Variants in KL observed in about 807,000 individuals in gnomAD.
KL encodes the protein alpha-klotho.
Under a neutral mutation model 84.2 loss-of-function variants are expected in KL, and 62 were observed. The observed-to-expected ratio is 0.74, with a 90% confidence interval of 0.60 to 0.91. The LOEUF is 0.91. Among genes scored for constraint, KL ranks in the 40% least tolerant of loss-of-function variants. KL has a pLI of 0.00. For synonymous variants in KL, 528 were observed against 528.0 expected (o/e 1.00, Z 0.00); for missense variants, 1,261 against 1,305.7 (o/e 0.97, Z 0.53).
chr13:33,065,080 G>A lies in KL; in HGVS notation c.*894G>A, dbSNP rs567047738. ...TAATCTGATTATACACCATTTTTGA[G>A]CAGATCTTGGAATGAATGACATGAC... On this transcript the variant is annotated 3_prime_UTR_variant, in exon 5 of 5. Coordinates refer to ENST00000380099, the MANE Select transcript of KL (RefSeq NM_004795.4). The A allele has an allele frequency of 4.4e-6, 1 of 227,302 alleles. No individual in the cohort carries two copies. Among genetic ancestry groups the A allele is most frequent in the Non-Finnish European group, 8.7e-6 (1 of 114,292 alleles). 14.1% of individuals were successfully genotyped at this position (227,302 alleles called of 1,614,324 possible).
rs1355970125 is a variant in KL at position 33,061,680 on chromosome 13, C to G, written c.2601C>G (p.Pro867=). The part of the protein sequence containing the change: ...NWLKFKYGDL[P]MYIISNGIDD... ...TGAAGTTCAAGTACGGAGACCTCCCCATGTACATAATATCCAATGGAATCG... is the reference window on the plus strand; with the variant it reads ...TGAAGTTCAAGTACGGAGACCTCCCGATGTACATAATATCCAATGGAATCG... Residue 867 remains proline, a synonymous_variant, in exon 4 of 5, where the codon CCC becomes CCG. Coordinates refer to ENST00000380099, the MANE Select transcript of KL (RefSeq NM_004795.4). 1.2e-6 allele frequency: 2 copies of G among 1,614,002 alleles called. No homozygotes were observed. The highest frequency in any genetic ancestry group is 2.7e-5 in the African/African-American group (2 of 74,910).
intron 1 of KL, among the ~76,000 whole-genome samples, chr13:33,030,213 C>T (rs571671): frequency 0.31 from 47,473 of 151,900 alleles, 8,703 homozygotes; most frequent in Admixed American, 0.43. Context: ...TTAAAGGTCT[C>T]GCTTAATACT....
At chr13:33,033,957 A>C (rs926983059) in intron 1 of KL, among the ~76,000 whole-genome samples, 1 of 152,160 alleles carries the variant, frequency 6.6e-6, no homozygotes, top group Non-Finnish European at 1.5e-5. Flanking sequence ...AAAGATGAAC[A>C]CACACCCTCA....
chr13:33,045,335 T>G (rs988626781), intron 1 of KL, among the ~76,000 whole-genome samples: 5 of 152,250 alleles, frequency 3.3e-5, no homozygotes, highest in South Asian at 2.1e-4. Context: ...GATAGTTTTT[T>G]CCTTCCTAAT....
intron 3 of KL, among the ~76,000 whole-genome samples, chr13:33,057,341 G>A (rs1037881755): frequency 6.6e-6 from 1 of 152,170 alleles, no homozygotes; most frequent in Admixed American, 6.5e-5. Context: ...GGGGCTGTGC[G>A]CTGGCTTTGG....
In KL at chr13:33,021,653, C is replaced by T. The variant is rs147353476; in HGVS notation, c.819+4394C>T. 3.5e-3 allele frequency among the ~76,000 whole-genome samples: 527 copies of T among 152,214 alleles called. 5 individuals are homozygous for T. The highest frequency in any genetic ancestry group is 0.012 in the African/African-American group (479 of 41,548). ...ATCCCAGCACTTTGGGAGGCTGAGG[C>T]GGGTGGATCACCTGAGATCAGGAGT... On this transcript the variant is annotated intron_variant, in intron 1 of 4. Coordinates refer to ENST00000380099, the MANE Select transcript of KL (RefSeq NM_004795.4).
chr13:33,043,497 G>A (rs1183410801), intron 1 of KL, among the ~76,000 whole-genome samples: 1 of 152,216 alleles, frequency 6.6e-6, no homozygotes, highest in Non-Finnish European at 1.5e-5. Flanking sequence ...TGGGATTATA[G>A]GCGTGAGTCA....
rs1368238839 is a variant in KL at position 33,061,505 on chromosome 13, A to G, written c.2426A>G (p.Tyr809Cys). Reference sequence around the variant, plus strand: ...TTTGACTTTTTGGCTTTAAGCCATTATACCACCATCCTTGTAGACTCAGAA... The same window carrying G: ...TTTGACTTTTTGGCTTTAAGCCATTGTACCACCATCCTTGTAGACTCAGAA... ...GTFDFLALSH[Y>C]TTILVDSEKE... The change falls in exon 4 of 5, where the codon TAT becomes TGT. Residue 809 changes from tyrosine (Y) to cysteine (C), a missense_variant. Physicochemically the swap from Tyr to Cys is radical, Grantham distance 194. Transcript: ENST00000380099. The G allele has an allele frequency of 6.2e-7, 1 of 1,614,126 alleles. No homozygotes were observed. Among genetic ancestry groups the G allele is most frequent in the Non-Finnish European group, 8.5e-7 (1 of 1,180,056 alleles).
intron 1 of KL, among the ~76,000 whole-genome samples, chr13:33,027,931 A>C (rs968517518): frequency 1.3e-5 from 2 of 152,344 alleles, no homozygotes. Context: ...GGAAGGAGCT[A>C]GGGGAGGCAT....
At chr13:33,060,589 T>C (rs1383335482) in intron 3 of KL, 90 bp from the exon 4 acceptor site, 5 of 1,447,962 alleles carry the variant, frequency 3.5e-6, no homozygotes, top group Non-Finnish European at 4.8e-6. Context: ...TTTTTGCTCA[T>C]ATTCCTGGCT....
rs767476440 is a variant in KL at position 33,017,004 on chromosome 13, G to T, written c.564G>T (p.Val188=). 1 of 1,593,938 alleles carries T rather than the reference G, an allele frequency of 6.3e-7. No homozygotes were observed. The highest frequency in any genetic ancestry group is 1.3e-5 in the African/African-American group (1 of 74,856). ...ERLRELGVQP[V]VTLYHWDLPQ... ...TGCGGGAGCTGGGCGTGCAGCCCGT[G>T]GTCACCCTGTACCACTGGGACCTGC... Residue 188 remains valine, a synonymous_variant, in exon 1 of 5, where the codon GTG becomes GTT. Transcript: ENST00000380099.
chr13:33,024,721 T>C (rs1312414655), intron 1 of KL, among the ~76,000 whole-genome samples: 1 of 152,200 alleles, frequency 6.6e-6, no homozygotes, highest in Non-Finnish European at 1.5e-5. Context: ...TGGTCCTCTT[T>C]CCTCTGCCTT....
At chr13:33,047,983 T>A (rs1176934433) in intron 1 of KL, among the ~76,000 whole-genome samples, 1 of 152,180 alleles carries the variant, frequency 6.6e-6, no homozygotes, top group Non-Finnish European at 1.5e-5. Flanking sequence ...TCTTCAGTTG[T>A]TGTTTCTCTG....
At chr13:33,055,423 C>A in intron 3 of KL, 108 bp downstream of exon 3, 1 of 1,430,364 alleles carries the variant, frequency 7.0e-7, no homozygotes, top group Non-Finnish European at 9.8e-7. Flanking sequence ...TTCTTTGAGC[C>A]AAAAACAATT....
rs200723663 is a variant in KL, at chr13:33,022,845, AATACAT to A, written c.819+5589_819+5594del. On this transcript the variant is annotated intron_variant, in intron 1 of 4. Coordinates refer to ENST00000380099, the MANE Select transcript of KL (RefSeq NM_004795.4). Reference sequence around the variant, plus strand: ...AATAAAGGCATAAGTGGAGAGGTAAAATACATATTTCTGGTTTCAACGTGTCCATAT... The same window carrying A: ...AATAAAGGCATAAGTGGAGAGGTAAAATTTCTGGTTTCAACGTGTCCATAT... Among the ~76,000 whole-genome samples the A allele has an allele frequency of 8.6e-3, 1,312 of 152,358 alleles. 11 individuals carry two copies. Among genetic ancestry groups the A allele is most frequent in the African/African-American group, 0.03 (1,230 of 41,570 alleles).
At chr13:33,028,237 C>CTG (rs1457050389) in intron 1 of KL, among the ~76,000 whole-genome samples, 12 of 152,246 alleles carry the variant, frequency 7.9e-5, no homozygotes, top group African/African-American at 2.9e-4. Flanking sequence ...CCTCAGTCAA[C>CTG]TGTGCTCCTT....
intron 1 of KL, among the ~76,000 whole-genome samples, chr13:33,034,442 G>C (rs1408218233): frequency 6.6e-6 from 1 of 152,034 alleles, no homozygotes; most frequent in Non-Finnish European, 1.5e-5. Context: ...TTGCCTAATA[G>C]GGACACAAAC....
rs757477654 is a variant in KL at position 33,061,120 on chromosome 13, G to A, written c.2041G>A (p.Val681Ile). Residue 681 changes from valine to isoleucine, a missense_variant, in exon 4 of 5, where the codon GTC (valine) becomes ATC (isoleucine). Val to Ile is a conservative substitution (Grantham distance 29). Coordinates refer to ENST00000380099, the MANE Select transcript of KL (RefSeq NM_004795.4). ...RLCFQELGHH[V>I]KLWITMNEPY... ...GTGCTTTCAAGAGCTCGGCCATCAC[G>A]TCAAGCTTTGGATAACGATGAATGA... The A allele has an allele frequency of 3.4e-5, 55 of 1,614,004 alleles. No homozygotes were observed. Among genetic ancestry groups the A allele is most frequent in the African/African-American group, 5.3e-5 (4 of 74,936 alleles).
intron 1 of KL, among the ~76,000 whole-genome samples, chr13:33,018,093 C>G (rs574693141): frequency 1.3e-5 from 2 of 152,238 alleles, no homozygotes; most frequent in Admixed American, 6.5e-5. Context: ...TTTCTTCCTC[C>G]TTTTTTCTCC....
Sources: allele counts gnomAD v4.1 joint callset (sites outside exome capture counted in the v4.1 genomes callset), GRCh38; gene constraint gnomAD v4.1.1; transcripts MANE v1.5; gene names NCBI Gene and HGNC (gene_info 2026-07-23, HGNC 2026-07-21).